Variants in FBXO10 observed in about 807,000 individuals in gnomAD.
FBXO10 encodes the protein F-box protein 10, also known as F-box only protein 10.
A neutral mutation model predicts 80.7 loss-of-function variants in FBXO10; 39 were observed. That is an observed-to-expected ratio of 0.48 (90% CI 0.37 to 0.63). The LOEUF is 0.63. FBXO10 is among the 30% of genes least tolerant of loss of function. The pLI is 0.00. For synonymous variants in FBXO10, 449 were observed against 489.6 expected, an observed-to-expected ratio of 0.92 and a Z score of 1.09; for missense variants, 1,025 against 1,269.0, an observed-to-expected ratio of 0.81 and a Z score of 2.92.
chr9:37,575,226 T>C (rs1822862953), intron 1 of FBXO10, among the ~76,000 whole-genome samples: 1 of 151,970 alleles, frequency 6.6e-6, no homozygotes, highest in African/African-American at 2.4e-5. Flanking sequence ...GATGTTCCCA[T>C]CCAGCCTGAC....
intron 1 of FBXO10, among the ~76,000 whole-genome samples, chr9:37,549,436 A>G (rs1822137083): frequency 6.6e-6 from 1 of 152,186 alleles, no homozygotes; most frequent in African/African-American, 2.4e-5. Flanking sequence ...CAAGCCCCCT[A>G]AAAGCCTCTC....
intron 1 of FBXO10, among the ~76,000 whole-genome samples, chr9:37,561,546 A>C (rs1822483617): frequency 6.6e-6 from 1 of 152,222 alleles, no homozygotes; most frequent in Non-Finnish European, 1.5e-5. Context: ...TGACTTCAGC[A>C]CGTCCTTGAA....
chr9:37,537,423 T>G lies in FBXO10; in HGVS notation c.1106A>C (p.Gln369Pro). 6.2e-7 allele frequency: 1 copy of G among 1,600,344 alleles called. No individual in the cohort carries two copies. Among genetic ancestry groups the G allele is most frequent in the South Asian group, 1.1e-5 (1 of 89,124 alleles). ...TTGGTAGGATAGTCTGTACATCAGC[T>G]GGTCCTCATCTTCATCCTCACCGCT... Reference protein sequence around the residue: ...SPSGEDEDEDQLMYRLSYQVQ... With the variant: ...SPSGEDEDEDPLMYRLSYQVQ... Residue 369 changes from glutamine to proline, a missense_variant, in exon 3 of 11, where the codon CAG (glutamine) becomes CCG (proline). Physicochemically the swap from Gln to Pro is moderately conservative, Grantham distance 76. Coordinates refer to ENST00000432825, the MANE Select transcript of FBXO10 (RefSeq NM_012166.3).
chr9:37,521,171 G>A (rs73439458), intron 8 of FBXO10, among the ~76,000 whole-genome samples: 1,642 of 152,348 alleles, frequency 0.011, 36 homozygotes, highest in African/African-American at 0.036. Flanking sequence ...AGTGGCTGAT[G>A]AGGCCTGAGG....
At chr9:37,572,761 AC>A (rs1822791447) in intron 1 of FBXO10, among the ~76,000 whole-genome samples, 1 of 152,184 alleles carries the variant, frequency 6.6e-6, no homozygotes, top group Non-Finnish European at 1.5e-5. Flanking sequence ...GTTGGTGATT[AC>A]GTGTGTATTT....
intron 2 of FBXO10, among the ~76,000 whole-genome samples, chr9:37,539,721 G>T (rs1188257454): frequency 6.6e-5 from 10 of 152,180 alleles, no homozygotes. Flanking sequence ...TAAGCTTTCA[G>T]GTAACATAGC....
intron 1 of FBXO10, among the ~76,000 whole-genome samples, chr9:37,546,283 C>G (rs540472583): frequency 1.3e-5 from 2 of 151,588 alleles, no homozygotes; most frequent in Non-Finnish European, 2.9e-5. Flanking sequence ...TCCCACCAAG[C>G]AGGCAGATTT....
At position 37,515,996 on chromosome 9, in the gene FBXO10, GA is replaced by G; in HGVS notation, c.2603del (p.Phe868SerfsTer39). 1 of 1,614,086 alleles carries G rather than the reference GA, an allele frequency of 6.2e-7. No individual in the cohort carries two copies. The highest frequency in any genetic ancestry group is 8.5e-7 in the Non-Finnish European group (1 of 1,179,916). On this transcript the variant is annotated frameshift_variant, in exon 10 of 11. Transcript: ENST00000432825. LOFTEE classifies it high-confidence loss of function. ...AGATGGTCTTACTGGTTTTGCCCTGGAAGATGATGTTTTCCTGCACCAGGGC... is the reference window on the plus strand; with the variant it reads ...AGATGGTCTTACTGGTTTTGCCCTGGAGATGATGTTTTCCTGCACCAGGGC... Reference protein sequence around the residue: ...AKALVQENIIFQGKTSKTIFQ... With the variant: ...AKALVQENIIXQGKTSKTIFQ...
chr9:37,545,788 G>A (rs1233605858), intron 1 of FBXO10, among the ~76,000 whole-genome samples: 1 of 152,178 alleles, frequency 6.6e-6, no homozygotes, highest in Non-Finnish European at 1.5e-5. Context: ...CAACTATAAA[G>A]CTGGACAAAA....
chr9:37,557,471 T>C (rs1008685009), intron 1 of FBXO10, among the ~76,000 whole-genome samples: 5 of 152,182 alleles, frequency 3.3e-5, no homozygotes, highest in East Asian at 3.8e-4. Context: ...CTGAGTGGGG[T>C]AGATGCAGTT....
In FBXO10 at chr9:37,531,928, T is replaced by C; in HGVS notation, c.1550A>G (p.Lys517Arg). 1 of 1,613,340 alleles carries C rather than the reference T, an allele frequency of 6.2e-7. No homozygotes were observed. ...AAGTACCAGTATGAGTGGGTTGGAC[T>C]TTTTCCGGATGTCTACACCAGCCTC... ...NAEAGVDIRKKSNPLILCNQI... is the reference protein window; with the variant it reads ...NAEAGVDIRKRSNPLILCNQI... Residue 517 changes from lysine to arginine, a missense_variant, in exon 4 of 11, where the codon AAG becomes AGG. Physicochemically the swap from Lys to Arg is conservative, Grantham distance 26. Transcript: ENST00000432825.
At chr9:37,574,568 T>C (rs10758441) in intron 1 of FBXO10, among the ~76,000 whole-genome samples, 108,427 of 151,980 alleles carry the variant, frequency 0.71, 39,098 homozygotes, top group East Asian at 0.94. Flanking sequence ...AAAGCCCTGA[T>C]AAAGCAGCTT....
At chr9:37,573,080 T>C (rs1464726667) in intron 1 of FBXO10, among the ~76,000 whole-genome samples, 1 of 152,160 alleles carries the variant, frequency 6.6e-6, no homozygotes, top group African/African-American at 2.4e-5. Flanking sequence ...GGTAGCTATC[T>C]TGTTGAAGGC....
rs1821907185 is a variant in FBXO10, at chr9:37,541,259, A to G, written c.510T>C (p.Ile170=). 6.2e-7 allele frequency: 1 copy of G among 1,613,930 alleles called. No individual in the cohort carries two copies. The change falls in exon 2 of 11, where the codon ATT becomes ATC. Residue 170 remains isoleucine, a synonymous_variant. Coordinates refer to ENST00000432825, the MANE Select transcript of FBXO10 (RefSeq NM_012166.3). ...KLGEVALLAS[I]DQHCSTTRLC... ...GGCGTGTGGTTGAGCAGTGCTGATC[A>G]ATGCTGGCCAGCAGGGCCACTTCAC...
chr9:37,555,617 G>A (rs775917270), intron 1 of FBXO10, among the ~76,000 whole-genome samples: 1 of 152,160 alleles, frequency 6.6e-6, no homozygotes, highest in Non-Finnish European at 1.5e-5. Context: ...CTGACCACAG[G>A]TGATCCACCC....
chr9:37,518,521 G>T, intron 8 of FBXO10, 83 bp from the exon 9 acceptor site: 1 of 1,194,480 alleles, frequency 8.4e-7, no homozygotes, highest in Non-Finnish European at 1.2e-6. Flanking sequence ...TCCCTGAATT[G>T]TGCACTCCGG....
At chr9:37,566,193 G>A (rs546666775) in intron 1 of FBXO10, among the ~76,000 whole-genome samples, 131 of 152,240 alleles carry the variant, frequency 8.6e-4, no homozygotes, top group Admixed American at 1.3e-3. Context: ...TAATCATGAC[G>A]GCAGGTGACT....
intron 3 of FBXO10, among the ~76,000 whole-genome samples, chr9:37,532,273 C>CTT (rs1415433088): frequency 7.9e-5 from 12 of 150,946 alleles, no homozygotes; most frequent in Non-Finnish European, 1.6e-4. Flanking sequence ...CTGCAGGCTC[C>CTT]TTAGCGGTCT....
At chr9:37,542,525 G>A (rs946945727) in intron 1 of FBXO10, among the ~76,000 whole-genome samples, 3 of 151,544 alleles carry the variant, frequency 2.0e-5, no homozygotes, top group African/African-American at 7.3e-5. Flanking sequence ...AACCCAGGGA[G>A]GCAGGGATTG....
Sources: allele counts gnomAD v4.1 joint callset (sites outside exome capture counted in the v4.1 genomes callset), GRCh38; gene constraint gnomAD v4.1.1; transcripts MANE v1.5; gene names NCBI Gene and HGNC (gene_info 2026-07-23, HGNC 2026-07-21).